Variants in MS4A8 observed in about 807,000 individuals in gnomAD.
MS4A8 encodes the protein membrane spanning 4-domains A8, also known as membrane-spanning 4-domains subfamily A member 8.
MS4A8 carries 27 observed loss-of-function variants against 23.7 expected under a neutral mutation model. The ratio of observed to expected loss-of-function variants is 1.14; its 90% CI spans 0.84 to 1.57. The LOEUF is 1.57. Among genes scored for constraint, MS4A8 ranks in the 40% most tolerant of loss-of-function variants. The probability of loss-of-function intolerance (pLI) is 0.00; values close to 1 mark genes in which losing one functional copy is unlikely to be tolerated. For synonymous variants in MS4A8, 138 were observed against 126.3 expected (o/e 1.09, Z -0.62); for missense variants, 301 against 311.4 (o/e 0.97, Z 0.25).
At chr11:60,701,265 C>G (rs1157855299) in intron 2 of MS4A8, 186 bp downstream of exon 2, 2 of 701,922 alleles carry the variant, frequency 2.8e-6, no homozygotes, top group Admixed American at 2.0e-5. Context: ...CTGCTCAGAC[C>G]TTGTATTTTC....
At chr11:60,704,584 G>C (rs755141432) in intron 3 of MS4A8, among the ~76,000 whole-genome samples, 1 of 152,298 alleles carries the variant, frequency 6.6e-6, no homozygotes, top group Non-Finnish European at 1.5e-5. Flanking sequence ...AACAGCAAGG[G>C]TTTGAGTGCT....
At position 60,715,052 on chromosome 11, in the gene MS4A8, T is replaced by C; in HGVS notation, c.566T>C (p.Leu189Pro). 6.2e-7 allele frequency: 1 copy of C among 1,614,164 alleles called. No homozygotes were observed. Among genetic ancestry groups the C allele is most frequent in the Non-Finnish European group, 8.5e-7 (1 of 1,180,006 alleles). ...NPGMAISGVLLVFCLLEFGIA... is the reference protein window; with the variant it reads ...NPGMAISGVLPVFCLLEFGIA... ...GGAATGGCGATTTCTGGCGTGCTGC[T>C]GGTCTTCTGCCTCCTGGAGTTTGGC... The change falls in exon 6 of 7, where the codon CTG becomes CCG. Residue 189 changes from leucine (L) to proline (P), a missense_variant. Leu to Pro is a moderately conservative substitution (Grantham distance 98). Coordinates refer to ENST00000300226, the MANE Select transcript of MS4A8 (RefSeq NM_031457.2).
chr11:60,707,224 G>A (rs1324450594), intron 4 of MS4A8, among the ~76,000 whole-genome samples, 177 bp downstream of exon 4: 3 of 152,176 alleles, frequency 2.0e-5, no homozygotes, highest in Non-Finnish European at 4.4e-5. Context: ...TGGCCCTGGA[G>A]TCACATGTGG....
At chr11:60,700,361 C>A (rs2088191552) in intron 1 of MS4A8, among the ~76,000 whole-genome samples, 1 of 152,152 alleles carries the variant, frequency 6.6e-6, no homozygotes, top group African/African-American at 2.4e-5. Flanking sequence ...GCCTGGCCAA[C>A]AGGGGGAAAC....
At chr11:60,703,585 C>G (rs1269496025) in intron 3 of MS4A8, 85 bp downstream of exon 3, 1 of 1,506,006 alleles carries the variant, frequency 6.6e-7, no homozygotes, top group Admixed American at 2.0e-5. Context: ...TGCAGCTGTG[C>G]CCTGCAGAAG....
Position 60,702,385 on chromosome 11 carries a change from T to C in MS4A8, c.220-993T>C, listed in dbSNP as rs138329988. Among the ~76,000 whole-genome samples, 8 of 152,330 alleles carry C rather than the reference T, an allele frequency of 5.3e-5. No homozygotes were observed. In the South Asian group the frequency reaches 1.2e-3, roughly 24 times the overall value. ...CGGTTTCTACTGAATTCATGTCACT[T>C]TCACACCATAATAAAGTTGAAAACT... On this transcript the variant is annotated intron_variant, in intron 2 of 6. Coordinates refer to ENST00000300226, the MANE Select transcript of MS4A8 (RefSeq NM_031457.2).
intron 3 of MS4A8, among the ~76,000 whole-genome samples, chr11:60,706,039 G>A (rs1318178868): frequency 2.6e-5 from 4 of 152,182 alleles, no homozygotes; most frequent in Admixed American, 6.5e-5. Context: ...TAGTCGGTAC[G>A]TGGCTTCTTT....
chr11:60,715,290 T>G lies in MS4A8; in HGVS notation c.649-20T>G, dbSNP rs771935282. 3.7e-6 allele frequency: 6 copies of G among 1,608,142 alleles called. No homozygotes were observed. The African/African-American group carries it at 4.0e-5, about 11-fold the overall frequency. ...GGCCCGTCCTTCTTAGCATGCCCCC[T>G]GTGTGCCTGTGTTTTCCAGGTGAGT... On this transcript the variant is annotated intron_variant, in intron 6 of 6. Transcript: ENST00000300226.
Position 60,703,454 on chromosome 11 carries a change from T to C in MS4A8, c.296T>C (p.Leu99Pro), listed in dbSNP as rs1217568795. 5 of 1,609,216 alleles carry C rather than the reference T, an allele frequency of 3.1e-6. No homozygotes were observed. The highest frequency in any genetic ancestry group is 1.7e-4 in the Middle Eastern group (1 of 6,048). The stretch of plus-strand genomic sequence containing the variant: ...GCGACGGTTCTCGTAGGGGAATACC[T>C]GTCTATTTCATTCTACGGAGGCTTT... Reference protein sequence around the residue: ...IMATVLVGEYLSISFYGGFPF... With the variant: ...IMATVLVGEYPSISFYGGFPF... Residue 99 changes from leucine (L) to proline (P), a missense_variant, in exon 3 of 7, where the codon CTG becomes CCG. Leu to Pro is a moderately conservative substitution (Grantham distance 98). Coordinates refer to ENST00000300226, the MANE Select transcript of MS4A8 (RefSeq NM_031457.2).
Position 60,715,319 on chromosome 11 carries a change from A to G in MS4A8, c.658A>G (p.Ile220Val), listed in dbSNP as rs761178094. The G allele has an allele frequency of 1.6e-5, 26 of 1,613,754 alleles. No individual in the cohort carries two copies. Among genetic ancestry groups the G allele is most frequent in the Non-Finnish European group, 2.0e-5 (24 of 1,179,958 alleles). The change falls in exon 7 of 7, where the codon ATC (isoleucine) becomes GTC (valine). Residue 220 changes from isoleucine to valine, a missense_variant. Transcript: ENST00000300226. ...TGCCTGTGTTTTCCAGGTGAGTGTC[A>G]TCTATCCAAACATCTATGCAGCAAA... ...VCCQSSNVSV[I>V]YPNIYAANPV...
intron 3 of MS4A8, among the ~76,000 whole-genome samples, chr11:60,704,515 A>G (rs1347998834): frequency 6.6e-6 from 1 of 152,234 alleles, no homozygotes; most frequent in Non-Finnish European, 1.5e-5. Context: ...TAGGCCCACA[A>G]GCCTGAGCTC....
rs565020715 is a variant in MS4A8 at position 60,702,423 on chromosome 11, GAC to G, written c.220-953_220-952del. Among the ~76,000 whole-genome samples, 312 of 152,246 alleles carry G rather than the reference GAC, an allele frequency of 2.0e-3. 3 individuals carry two copies. Among genetic ancestry groups the G allele is most frequent in the African/African-American group, 7.2e-3 (298 of 41,544 alleles). On this transcript the variant is annotated intron_variant, in intron 2 of 6. Transcript: ENST00000300226. ...AAAGTTGAAAACTTTGTTTTTTTGA[GAC>G]AGAGTCTCACTCTGTCACCCAGGCT...
intron 3 of MS4A8, among the ~76,000 whole-genome samples, chr11:60,704,336 G>T (rs2088234387): frequency 6.6e-6 from 1 of 151,866 alleles, no homozygotes; most frequent in African/African-American, 2.4e-5. Flanking sequence ...GGCCAGGCTG[G>T]TCTCAAACTC....
Position 60,715,034 on chromosome 11 carries a change from C to G in MS4A8, c.548C>G (p.Ala183Gly). Residue 183 changes from alanine (A) to glycine (G), a missense_variant, in exon 6 of 7, where the codon GCG becomes GGG. Ala to Gly is a moderately conservative substitution (Grantham distance 60). Transcript: ENST00000300226. ...CTCTGCCTACAGAACCCTGGAATGG[C>G]GATTTCTGGCGTGCTGCTGGTCTTC... Reference protein sequence around the residue: ...PYAWGVNPGMAISGVLLVFCL... With the variant: ...PYAWGVNPGMGISGVLLVFCL... 1.9e-6 allele frequency: 3 copies of G among 1,613,754 alleles called. No individual in the cohort carries two copies. Among genetic ancestry groups the G allele is most frequent in the Non-Finnish European group, 2.5e-6 (3 of 1,179,710 alleles).
At chr11:60,699,982 A>G (rs2088187706) in intron 1 of MS4A8, among the ~76,000 whole-genome samples, 1 of 152,244 alleles carries the variant, frequency 6.6e-6, no homozygotes, top group African/African-American at 2.4e-5. Context: ...TTTTAAAACC[A>G]CATTAGAATG....
At chr11:60,706,599 A>G (rs551795850) in intron 3 of MS4A8, among the ~76,000 whole-genome samples, 14 of 152,324 alleles carry the variant, frequency 9.2e-5, no homozygotes, top group South Asian at 6.2e-4. Context: ...CAAGGAAATA[A>G]TCCAACATTT....
chr11:60,707,022 A>G lies in MS4A8; in HGVS notation c.377A>G (p.Glu126Gly). 1.2e-6 allele frequency: 2 copies of G among 1,614,156 alleles called. No homozygotes were observed. The highest frequency in any genetic ancestry group is 1.1e-5 in the South Asian group (1 of 91,078). Residue 126 changes from glutamate (E) to glycine (G), a missense_variant, in exon 4 of 7, where the codon GAA becomes GGA. Coordinates refer to ENST00000300226, the MANE Select transcript of MS4A8 (RefSeq NM_031457.2). ...IISGSLSVAAENQPYSYCLLS... is the reference protein window; with the variant it reads ...IISGSLSVAAGNQPYSYCLLS... Reference sequence around the variant, plus strand: ...TCAGGATCTCTCTCCGTGGCAGCAGAAAATCAGCCATATTCTTATTGCCTG... The same window carrying G: ...TCAGGATCTCTCTCCGTGGCAGCAGGAAATCAGCCATATTCTTATTGCCTG...
At chr11:60,701,288 T>C (rs1565050562) in intron 2 of MS4A8, 2 of 683,474 alleles carry the variant, frequency 2.9e-6, no homozygotes, top group Non-Finnish European at 5.3e-6. Flanking sequence ...ATTTAGGCAT[T>C]TTCGGAAAGA....
At chr11:60,713,956 C>T (rs1312440349) in intron 5 of MS4A8, among the ~76,000 whole-genome samples, 3 of 121,272 alleles carry the variant, frequency 2.5e-5, no homozygotes, top group East Asian at 2.4e-4. Flanking sequence ...CTCGCTCTGT[C>T]GCCCAGGCCG....
Sources: gnomAD v4.1 joint callset for allele counts (sites outside exome capture counted in the v4.1 genomes callset) on GRCh38, gnomAD v4.1.1 for gene constraint, MANE v1.5 for transcripts, NCBI Gene and HGNC (gene_info 2026-07-23, HGNC 2026-07-21) for gene names.